Variants in PRKCE observed in about 807,000 individuals in gnomAD.
PRKCE encodes the protein protein kinase C epsilon, also known as protein kinase C epsilon type.
In PRKCE, 16 loss-of-function variants were observed where a neutral mutation model predicts 85.4. That is an observed-to-expected ratio of 0.19 (90% CI 0.13 to 0.28). The LOEUF is 0.28. Ranked by LOEUF, PRKCE falls within the 10% of genes least tolerant of loss-of-function variation. PRKCE has a pLI of 1.00. For synonymous variants in PRKCE, 388 were observed against 371.5 expected, an observed-to-expected ratio of 1.04 and a Z score of -0.51; for missense variants, 573 against 975.2, an observed-to-expected ratio of 0.59 and a Z score of 5.49.
chr2:45,914,505 C>CTGATAACTA (rs1401410390), intron 2 of PRKCE, among the ~76,000 whole-genome samples: 1 of 152,170 alleles, frequency 6.6e-6, no homozygotes, highest in African/African-American at 2.4e-5. Context: ...GTGTGCGAGA[C>CTGATAACTA]TGATAACTAT....
chr2:45,829,038 A>G (rs1346432986), intron 1 of PRKCE, among the ~76,000 whole-genome samples: 1 of 150,104 alleles, frequency 6.7e-6, no homozygotes, highest in Admixed American at 6.6e-5. Context: ...TTTTTTTTTC[A>G]TGATGGCATG....
Position 46,186,931 on chromosome 2 carries a change from A to T in PRKCE, c.*2050A>T, listed in dbSNP as rs889692805. The T allele has an allele frequency of 5.2e-5, 8 of 152,404 alleles. No homozygotes were observed. Among genetic ancestry groups the T allele is most frequent in the African/African-American group, 1.7e-4 (7 of 41,288 alleles). The allele number at this position is 152,404 out of a possible 1,614,324, so 9.4% of individuals were successfully genotyped here. On this transcript the variant is annotated 3_prime_UTR_variant, in exon 15 of 15. Transcript: ENST00000306156. Reference sequence around the variant, plus strand: ...ATTAAATATTATGATATATCAATTCATGTGTTTGGCATACCAGTGAATGAT... The same window carrying T: ...ATTAAATATTATGATATATCAATTCTTGTGTTTGGCATACCAGTGAATGAT...
intron 2 of PRKCE, among the ~76,000 whole-genome samples, chr2:45,903,245 A>G (rs1696702815): frequency 6.6e-6 from 1 of 152,158 alleles, no homozygotes; most frequent in Non-Finnish European, 1.5e-5. Context: ...GGCAAGAAAT[A>G]CCCTCAGGCC....
At chr2:45,961,725 C>T (rs1374537278) in intron 2 of PRKCE, among the ~76,000 whole-genome samples, 1 of 151,584 alleles carries the variant, frequency 6.6e-6, no homozygotes, top group Non-Finnish European at 1.5e-5. Flanking sequence ...GACGGAGTTT[C>T]ACTTTTGTTG....
Position 46,027,631 on chromosome 2 carries a change from A to G in PRKCE, c.1437+17114A>G, listed in dbSNP as rs181814990. Among the ~76,000 whole-genome samples the G allele has an allele frequency of 1.3e-3, 203 of 152,376 alleles. 1 individual carries two copies. The highest frequency in any genetic ancestry group is 4.7e-3 in the African/African-American group (197 of 41,590). ...AAACTGTCATAGGCACTAGCATTTT[A>G]AATGATGACATGCTCTCCAAAAATT... is the stretch of plus-strand genomic sequence containing the variant. On this transcript the variant is annotated intron_variant, in intron 10 of 14. Coordinates refer to ENST00000306156, the MANE Select transcript of PRKCE (RefSeq NM_005400.3).
At chr2:45,796,495 C>T (rs1050525035) in intron 1 of PRKCE, among the ~76,000 whole-genome samples, 6 of 152,152 alleles carry the variant, frequency 3.9e-5, no homozygotes, top group African/African-American at 1.4e-4. Flanking sequence ...ATGATGATTT[C>T]ACTGAAATTA....
intron 2 of PRKCE, among the ~76,000 whole-genome samples, chr2:45,866,175 T>C (rs977341416): frequency 1.3e-5 from 2 of 152,144 alleles, no homozygotes; most frequent in African/African-American, 4.8e-5. Flanking sequence ...GCAGCACAAA[T>C]GGGCTAAAAC....
chr2:45,754,280 C>G (rs1349997183), intron 1 of PRKCE, among the ~76,000 whole-genome samples: 2 of 152,152 alleles, frequency 1.3e-5, no homozygotes, highest in African/African-American at 2.4e-5. Context: ...TCTGAAGAGG[C>G]AAGGAGGCCA....
At chr2:46,076,771 A>T (rs1302883339) in intron 10 of PRKCE, among the ~76,000 whole-genome samples, 1 of 152,236 alleles carries the variant, frequency 6.6e-6, no homozygotes, top group Non-Finnish European at 1.5e-5. Context: ...GACAATCATT[A>T]TAAGAAAGAA....
chr2:46,003,719 C>T (rs940991708), intron 7 of PRKCE, among the ~76,000 whole-genome samples: 1 of 152,042 alleles, frequency 6.6e-6, no homozygotes, highest in Non-Finnish European at 1.5e-5. Context: ...TGGAGGGGGA[C>T]GTTATGGAAG....
intron 1 of PRKCE, among the ~76,000 whole-genome samples, chr2:45,795,083 C>T (rs1053400735): frequency 1.3e-5 from 2 of 152,164 alleles, no homozygotes; most frequent in African/African-American, 4.8e-5. Flanking sequence ...AGCACCTCTT[C>T]TCCTTCTTGA....
chr2:45,773,001 A>G (rs1014308732), intron 1 of PRKCE, among the ~76,000 whole-genome samples: 1 of 152,072 alleles, frequency 6.6e-6, no homozygotes, highest in Admixed American at 6.6e-5. Context: ...GGAGAAGTGC[A>G]CCGTCCTGCC....
At chr2:45,804,042 T>C (rs1230064931) in intron 1 of PRKCE, among the ~76,000 whole-genome samples, 1 of 152,194 alleles carries the variant, frequency 6.6e-6, no homozygotes, top group Non-Finnish European at 1.5e-5. Context: ...GTTTCTCCCT[T>C]ACTAGACAGA....
chr2:45,826,396 A>G, intron 1 of PRKCE, among the ~76,000 whole-genome samples: 1 of 152,246 alleles, frequency 6.6e-6, no homozygotes, highest in East Asian at 1.9e-4. Context: ...AAATGTACAA[A>G]TATTCACATG....
intron 1 of PRKCE, among the ~76,000 whole-genome samples, chr2:45,727,485 G>A (rs1349414729): frequency 6.6e-6 from 1 of 152,140 alleles, no homozygotes; most frequent in Non-Finnish European, 1.5e-5. Context: ...TGGACTAGGA[G>A]GGAGGGCATT....
intron 1 of PRKCE, among the ~76,000 whole-genome samples, chr2:45,729,733 G>A (rs1220100761): frequency 6.6e-6 from 1 of 152,228 alleles, no homozygotes; most frequent in Non-Finnish European, 1.5e-5. Context: ...CATTGGTAGT[G>A]TAATGGATGA....
intron 10 of PRKCE, among the ~76,000 whole-genome samples, chr2:46,076,326 T>C (rs1043510804): frequency 5.3e-5 from 8 of 152,238 alleles, no homozygotes; most frequent in Admixed American, 2.6e-4. Context: ...TTTCCTAAGA[T>C]GTTGATGACC....
At chr2:46,063,159 C>G (rs1255887607) in intron 10 of PRKCE, among the ~76,000 whole-genome samples, 1 of 152,084 alleles carries the variant, frequency 6.6e-6, no homozygotes, top group African/African-American at 2.4e-5. Context: ...AGGTTGGACC[C>G]TGGGGATGTT....
chr2:45,985,624 C>G (rs1703259572), intron 6 of PRKCE, among the ~76,000 whole-genome samples: 1 of 151,936 alleles, frequency 6.6e-6, no homozygotes, highest in Non-Finnish European at 1.5e-5. Flanking sequence ...CAATGAGAAA[C>G]TATGAGAATT....
Sources: gnomAD v4.1 joint callset for allele counts (sites outside exome capture counted in the v4.1 genomes callset) on GRCh38, gnomAD v4.1.1 for gene constraint, MANE v1.5 for transcripts, NCBI Gene and HGNC (gene_info 2026-07-23, HGNC 2026-07-21) for gene names.